SUCLA2: variants seen among roughly 807,000 people sequenced by gnomAD.
SUCLA2 encodes succinate--CoA ligase [ADP-forming] subunit beta, mitochondrial.
In SUCLA2, 30 loss-of-function variants were observed where a neutral mutation model predicts 54.8. The observed-to-expected ratio is 0.55, with a 90% CI of 0.41 to 0.74. The LOEUF is 0.74. SUCLA2 is among the 30% of genes least tolerant of loss of function. SUCLA2 has a pLI of 0.00. For synonymous variants in SUCLA2, 172 were observed against 188.9 expected (o/e 0.91, Z 0.74); for missense variants, 476 against 562.9 (o/e 0.85, Z 1.56).
chr13:47,993,496 A>G (rs1446110016), intron 2 of SUCLA2, among the ~76,000 whole-genome samples: 3 of 152,114 alleles, frequency 2.0e-5, no homozygotes, highest in Non-Finnish European at 4.4e-5. Flanking sequence ...CCTAACCTCA[A>G]TTATTCACAG....
intron 5 of SUCLA2, chr13:47,971,822 T>C (rs1308011356): frequency 1.8e-5 from 7 of 398,364 alleles, no homozygotes; most frequent in Non-Finnish European, 3.1e-5. Context: ...ACCATGGAGA[T>C]ATAAAATCCA....
intron 4 of SUCLA2, among the ~76,000 whole-genome samples, chr13:47,974,738 T>C (rs1949995544): frequency 6.6e-6 from 1 of 152,174 alleles, no homozygotes; most frequent in Non-Finnish European, 1.5e-5. Context: ...GAAAAAATCA[T>C]AAATTATCTA....
chr13:47,988,377 AAAG>A (rs1176795624), intron 4 of SUCLA2, 161 bp downstream of exon 4: 6 of 741,032 alleles, frequency 8.1e-6, no homozygotes, highest in African/African-American at 3.6e-5. Context: ...TTACGGCATT[AAAG>A]AAGCTGTTTT....
chr13:47,958,959 T>C (rs991589502), intron 6 of SUCLA2, among the ~76,000 whole-genome samples: 1 of 152,224 alleles, frequency 6.6e-6, no homozygotes, highest in Non-Finnish European at 1.5e-5. Flanking sequence ...GAAATTATTT[T>C]TGATGCTCAT....
At chr13:47,972,089 A>G (rs1949971198) in intron 5 of SUCLA2, 7 of 374,394 alleles carry the variant, frequency 1.9e-5, no homozygotes, top group Admixed American at 4.6e-5. Context: ...CATCTCTACT[A>G]AAACAAAATA....
intron 2 of SUCLA2, among the ~76,000 whole-genome samples, chr13:47,990,115 A>G (rs1041885195): frequency 6.6e-6 from 1 of 152,184 alleles, no homozygotes; most frequent in East Asian, 1.9e-4. Context: ...TGAGAGGCTG[A>G]AGCAGGCGGG....
intron 10 of SUCLA2, among the ~76,000 whole-genome samples, chr13:47,946,687 G>C (rs892867844): frequency 6.6e-6 from 1 of 151,612 alleles, no homozygotes; most frequent in Non-Finnish European, 1.5e-5. Context: ...AATCCACTAA[G>C]TTGTGGGACA....
chr13:47,997,279 G>C (rs1018223276), intron 1 of SUCLA2, among the ~76,000 whole-genome samples: 19 of 151,984 alleles, frequency 1.3e-4, no homozygotes, highest in Admixed American at 7.2e-4. Flanking sequence ...TATCTCCAAT[G>C]ATCTACAGGG....
chr13:47,990,986 C>T (rs1250077954), intron 2 of SUCLA2, among the ~76,000 whole-genome samples: 1 of 152,226 alleles, frequency 6.6e-6, no homozygotes, highest in Non-Finnish European at 1.5e-5. Flanking sequence ...TTGTCTTTCT[C>T]AAACCCCACT....
At position 47,948,819 on chromosome 13, in the gene SUCLA2, T is replaced by C. The variant is rs1457676593; in HGVS notation, c.1317+121A>G. ...CAAGAGTCATGAATAATCGTTTTCT[T>C]TAACCATTCATTACACTCATAATAT... On this transcript the variant is annotated intron_variant, in intron 10 of 10. Transcript: ENST00000646932. The C allele has an allele frequency of 3.1e-6, 3 of 961,260 alleles. No homozygotes were observed. The African/African-American group carries it at 4.8e-5, about 16-fold the overall frequency. The allele number at this position is 961,260 out of a possible 1,614,324, so 59.5% of individuals were successfully genotyped here. A position where few individuals can be genotyped will look rare whatever the true frequency, so the allele number is the denominator to read the frequency against.
In SUCLA2 at chr13:47,993,999, G is replaced by A. The variant is rs190812038; in HGVS notation, c.271+2844C>T. Among the ~76,000 whole-genome samples, 598 of 151,322 alleles carry A rather than the reference G, an allele frequency of 4.0e-3. 1 individual carries two copies. The highest frequency in any genetic ancestry group is 0.013 in the African/African-American group (538 of 41,192). ...CTTGAACCCAGGAGGCGGAGGTTGC[G>A]GTGAGCTGAGATGGCGCCATTGCAC... On this transcript the variant is annotated intron_variant, in intron 2 of 10. Coordinates refer to ENST00000646932, the MANE Select transcript of SUCLA2 (RefSeq NM_003850.3).
chr13:47,985,562 T>C (rs1342845810), intron 4 of SUCLA2, among the ~76,000 whole-genome samples: 2 of 152,330 alleles, frequency 1.3e-5, no homozygotes, highest in South Asian at 2.1e-4. Flanking sequence ...GCAAAGGACA[T>C]AATCTCATTC....
intron 1 of SUCLA2, among the ~76,000 whole-genome samples, chr13:47,998,585 T>C (rs1687783064): frequency 6.6e-6 from 1 of 152,180 alleles, no homozygotes; most frequent in Non-Finnish European, 1.5e-5. Flanking sequence ...AAAAGTACTA[T>C]GGCTCACACA....
intron 2 of SUCLA2, among the ~76,000 whole-genome samples, chr13:47,990,070 C>T (rs1385495890): frequency 6.6e-6 from 1 of 152,076 alleles, no homozygotes; most frequent in Non-Finnish European, 1.5e-5. Flanking sequence ...TAAATGGGCC[C>T]GGTGCGGTGG....
At chr13:47,946,358 C>T (rs1321886043) in intron 10 of SUCLA2, among the ~76,000 whole-genome samples, 1 of 151,912 alleles carries the variant, frequency 6.6e-6, no homozygotes, top group Non-Finnish European at 1.5e-5. Context: ...CTACTGCACA[C>T]ATACATATAG....
At chr13:47,984,900 G>A (rs933618998) in intron 4 of SUCLA2, among the ~76,000 whole-genome samples, 20 of 152,214 alleles carry the variant, frequency 1.3e-4, no homozygotes, top group Admixed American at 3.9e-4. Flanking sequence ...ACAGGAAAAT[G>A]TCCCACTCAT....
intron 4 of SUCLA2, among the ~76,000 whole-genome samples, chr13:47,978,026 G>A (rs1950031115): frequency 6.6e-6 from 1 of 151,752 alleles, no homozygotes; most frequent in African/African-American, 2.4e-5. Flanking sequence ...GAACACAAAG[G>A]GAAAAACATT....
chr13:47,994,046 G>A (rs1397287795), intron 2 of SUCLA2, among the ~76,000 whole-genome samples: 6 of 118,922 alleles, frequency 5.0e-5, no homozygotes, highest in African/African-American at 1.2e-4. Flanking sequence ...CAACAAGAAC[G>A]AAACTCCGTC....
At chr13:47,947,308 C>T (rs80033408) in intron 10 of SUCLA2, among the ~76,000 whole-genome samples, 9,532 of 150,684 alleles carry the variant, frequency 0.063, 352 homozygotes, top group Middle Eastern at 0.092. Context: ...CACCTGAAAA[C>T]AAAAAGTAAA....
Sources: gnomAD v4.1 joint callset for allele counts (sites outside exome capture counted in the v4.1 genomes callset) on GRCh38, gnomAD v4.1.1 for gene constraint, MANE v1.5 for transcripts, NCBI Gene and HGNC (gene_info 2026-07-23, HGNC 2026-07-21) for gene names.